The following CAMK2B variants were observed in gnomAD, a reference collection of about 807,000 sequenced individuals.
CAMK2B encodes calcium/calmodulin-dependent protein kinase type II subunit beta.
A neutral mutation model predicts 93.7 loss-of-function variants in CAMK2B; 27 were observed. The observed-to-expected ratio is 0.29, with a 90% CI of 0.21 to 0.40. CAMK2B has a LOEUF of 0.40. Among genes scored for constraint, CAMK2B ranks in the 10% least tolerant of loss-of-function variants. The pLI is 1.00. For missense variants in CAMK2B, 568 were observed against 895.8 expected, an observed-to-expected ratio of 0.63 and a Z score of 4.67; for synonymous variants, 374 against 358.8, an observed-to-expected ratio of 1.04 and a Z score of -0.48.
intron 1 of CAMK2B, among the ~76,000 whole-genome samples, chr7:44,294,005 C>T (rs960916449): frequency 1.3e-5 from 2 of 152,204 alleles, no homozygotes; most frequent in Non-Finnish European, 2.9e-5. Context: ...GGCAAGAATG[C>T]CAACGGCAGC....
chr7:44,303,780 T>C (rs1003196985), intron 1 of CAMK2B, among the ~76,000 whole-genome samples: 1 of 152,246 alleles, frequency 6.6e-6, no homozygotes, highest in East Asian at 1.9e-4. Flanking sequence ...AGTTCTGTTC[T>C]GTGGAAGACA....
intron 1 of CAMK2B, among the ~76,000 whole-genome samples, chr7:44,294,285 G>A (rs781654353): frequency 2.6e-5 from 4 of 152,214 alleles, no homozygotes; most frequent in African/African-American, 4.8e-5. Flanking sequence ...GGCAGGACAA[G>A]GACACAGGCA....
At chr7:44,292,046 T>C (rs1175047642) in intron 1 of CAMK2B, among the ~76,000 whole-genome samples, 2 of 152,232 alleles carry the variant, frequency 1.3e-5, no homozygotes, top group Admixed American at 1.3e-4. Flanking sequence ...CAGATATTTA[T>C]TTTCTTACAG....
chr7:44,234,719 G>A, intron 13 of CAMK2B, 43 bp from the exon 14 acceptor site: 1 of 1,605,082 alleles, frequency 6.2e-7, no homozygotes, highest in Non-Finnish European at 8.5e-7. Flanking sequence ...TGATGGGCCT[G>A]GGTCTCGCTG....
intron 16 of CAMK2B, 131 bp from the exon 17 acceptor site, chr7:44,231,185 G>T: frequency 2.8e-6 from 2 of 722,760 alleles, no homozygotes; most frequent in Non-Finnish European, 4.6e-6. Context: ...TGCCTCGGCT[G>T]CTTCCACGGG....
At chr7:44,237,315 G>C (rs1302277666) in intron 13 of CAMK2B, among the ~76,000 whole-genome samples, 1 of 152,190 alleles carries the variant, frequency 6.6e-6, no homozygotes, top group East Asian at 1.9e-4. Context: ...TGCTACTGGA[G>C]ATGTACCACA....
In CAMK2B at chr7:44,226,463, G is replaced by A. The variant is rs141428129; in HGVS notation, c.1597+53C>T. 3,083 of 1,324,292 alleles carry A rather than the reference G, an allele frequency of 2.3e-3. 10 individuals carry two copies. Among genetic ancestry groups the A allele is most frequent in the East Asian group, 3.6e-3 (121 of 33,294 alleles). The allele number at this position is 1,324,292 out of a possible 1,614,324, so 82.0% of individuals were successfully genotyped here. ...CAGAGCACCACTGCCAGGCTCGCACGCCCCGAGCCCCTCCGGGCAGCCGCT... is the reference window on the plus strand; with the variant it reads ...CAGAGCACCACTGCCAGGCTCGCACACCCCGAGCCCCTCCGGGCAGCCGCT... On this transcript the variant is annotated intron_variant, in intron 20 of 23. Coordinates refer to ENST00000395749, the MANE Select transcript of CAMK2B (RefSeq NM_001220.5).
At position 44,221,657 on chromosome 7, in the gene CAMK2B, T is replaced by A. The variant is rs1013361947; in HGVS notation, c.1598-756A>T. ...GGCCCACATGCTACCCCTGCAGACATCCCTGTTGCCCCGCACCCCCATGCC... is the reference window on the plus strand; with the variant it reads ...GGCCCACATGCTACCCCTGCAGACAACCCTGTTGCCCCGCACCCCCATGCC... On this transcript the variant is annotated intron_variant, in intron 20 of 23. Coordinates refer to ENST00000395749, the MANE Select transcript of CAMK2B (RefSeq NM_001220.5). Among the ~76,000 whole-genome samples the A allele has an allele frequency of 2.2e-4, 34 of 152,272 alleles. 1 individual carries two copies. The South Asian group carries it at 5.8e-3, about 26-fold the overall frequency.
chr7:44,249,900 AG>A (rs1420568383), intron 5 of CAMK2B, among the ~76,000 whole-genome samples: 7 of 151,992 alleles, frequency 4.6e-5, no homozygotes, highest in African/African-American at 1.7e-4. Context: ...TCCCCTGCTG[AG>A]GAGGCTCCCC....
intron 1 of CAMK2B, among the ~76,000 whole-genome samples, chr7:44,313,299 C>T (rs2116274600): frequency 6.6e-6 from 1 of 152,270 alleles, no homozygotes; most frequent in East Asian, 1.9e-4. Flanking sequence ...CGTCCTGCTG[C>T]TATGAGGCCC....
intron 5 of CAMK2B, among the ~76,000 whole-genome samples, chr7:44,251,053 A>G (rs1182859087): frequency 4.6e-5 from 7 of 152,178 alleles, no homozygotes; most frequent in Non-Finnish European, 8.8e-5. Context: ...TCATCCAGAA[A>G]TCTGTGAGCT....
At chr7:44,246,442 G>GAC (rs142889973) in intron 6 of CAMK2B, among the ~76,000 whole-genome samples, 14 of 151,280 alleles carry the variant, frequency 9.3e-5, no homozygotes, top group Middle Eastern at 3.4e-3. Context: ...TGCCCACACA[G>GAC]ACACACACAC....
intron 2 of CAMK2B, among the ~76,000 whole-genome samples, chr7:44,282,160 G>A (rs55968181): frequency 0.023 from 3,492 of 152,278 alleles, 127 homozygotes; most frequent in African/African-American, 0.08. Flanking sequence ...CAGGCCTCAG[G>A]GATGTCACCC....
chr7:44,276,136 G>A, intron 2 of CAMK2B, among the ~76,000 whole-genome samples: 1 of 151,638 alleles, frequency 6.6e-6, no homozygotes, highest in Non-Finnish European at 1.5e-5. Flanking sequence ...GGGGCAGGGG[G>A]AGGGGAGAAG....
chr7:44,291,196 T>C (rs1786700878), intron 1 of CAMK2B, among the ~76,000 whole-genome samples: 1 of 152,158 alleles, frequency 6.6e-6, no homozygotes, highest in Non-Finnish European at 1.5e-5. Flanking sequence ...CCAGCCTCTC[T>C]GGCCCTGGGG....
chr7:44,220,021 C>A, intron 23 of CAMK2B, 39 bp downstream of exon 23: 1 of 1,483,860 alleles, frequency 6.7e-7, no homozygotes, highest in South Asian at 1.3e-5. Flanking sequence ...ACCACCGCCA[C>A]CCCTCTGCCC....
At chr7:44,263,994 G>A (rs535712429) in intron 2 of CAMK2B, 4 of 154,878 alleles carry the variant, frequency 2.6e-5, no homozygotes, top group Middle Eastern at 5.2e-4. Context: ...GGGCACAGCC[G>A]CATGTGGGGA....
At chr7:44,296,272 T>C (rs1379430540) in intron 1 of CAMK2B, among the ~76,000 whole-genome samples, 6 of 151,850 alleles carry the variant, frequency 4.0e-5, no homozygotes, top group African/African-American at 1.4e-4. Context: ...GAAGTTACAA[T>C]GCTAGAAATC....
At chr7:44,309,662 T>C (rs1423104315) in intron 1 of CAMK2B, among the ~76,000 whole-genome samples, 1 of 151,990 alleles carries the variant, frequency 6.6e-6, no homozygotes, top group Non-Finnish European at 1.5e-5. Flanking sequence ...GTCCCAGCTG[T>C]GGAAAGGACA....
Sources: allele counts gnomAD v4.1 joint callset (sites outside exome capture counted in the v4.1 genomes callset), GRCh38; gene constraint gnomAD v4.1.1; transcripts MANE v1.5; gene names NCBI Gene and HGNC (gene_info 2026-07-23, HGNC 2026-07-21).